MARS1: variants seen among roughly 807,000 people sequenced by gnomAD.
MARS1 encodes the protein methionine--tRNA ligase, cytoplasmic.
Under a neutral mutation model 119.5 loss-of-function variants are expected in MARS1, and 80 were observed. The ratio of observed to expected loss-of-function variants is 0.67; its 90% CI spans 0.56 to 0.81. The LOEUF is 0.81. MARS1 is among the 30% of genes least tolerant of loss of function. MARS1 has a pLI of 0.00. For missense variants in MARS1, 945 were observed against 1,116.5 expected (o/e 0.85, Z 2.19); for synonymous variants, 418 against 433.4 (o/e 0.96, Z 0.44).
In MARS1 at chr12:57,512,309, G is replaced by C; in HGVS notation, c.1709G>C (p.Gly570Ala). 1 of 1,614,110 alleles carries C rather than the reference G, an allele frequency of 6.2e-7. No individual in the cohort carries two copies. Among genetic ancestry groups the C allele is most frequent in the Non-Finnish European group, 8.5e-7 (1 of 1,180,020 alleles). ...HSLVFPCSAL[G>A]AEDNYTLVSH... ...TTAGTCTTTCCTTGCTCAGCCCTAG[G>C]AGCTGAGGATAACTATACCTTGGTC... The change falls in exon 14 of 21, where the codon GGA becomes GCA. Residue 570 changes from glycine to alanine, a missense_variant. Gly to Ala is a moderately conservative substitution (Grantham distance 60). Coordinates refer to ENST00000262027, the MANE Select transcript of MARS1 (RefSeq NM_004990.4).
intron 6 of MARS1, 69 bp from the exon 7 acceptor site, chr12:57,490,469 G>A (rs747411651): frequency 5.1e-5 from 82 of 1,609,680 alleles, no homozygotes; most frequent in Non-Finnish European, 6.5e-5. Context: ...TCAGGTAGTG[G>A]CAAGGAGAAA....
chr12:57,491,964 C>A (rs1442021976), intron 7 of MARS1, among the ~76,000 whole-genome samples: 1 of 152,152 alleles, frequency 6.6e-6, no homozygotes, highest in Non-Finnish European at 1.5e-5. Context: ...AAAACTGTCA[C>A]ACAAATGTAG....
At position 57,511,680 on chromosome 12, in the gene MARS1, C is replaced by T. The variant is rs771357667; in HGVS notation, c.1369-18C>T. 1.9e-6 allele frequency: 3 copies of T among 1,613,800 alleles called. No homozygotes were observed. In the South Asian group the frequency reaches 3.3e-5, roughly 18 times the overall value. ...TATGAGACTTTCCTAAATCAGCCCT[C>T]TTTCTCCGTTATCTCAGCTGGAGAA... On this transcript the variant is annotated intron_variant, in intron 11 of 20. Transcript: ENST00000262027.
chr12:57,515,922 C>A lies in MARS1; in HGVS notation c.2394C>A (p.Val798=). ...TLPAGHQIGT[V]SPLFQKLEND... Reference sequence around the variant, plus strand: ...ATTCTGGAACTCTTTTTTTACAGGTCAGTCCCTTGTTCCAAAAATTGGAAA... The same window carrying A: ...ATTCTGGAACTCTTTTTTTACAGGTAAGTCCCTTGTTCCAAAAATTGGAAA... Residue 798 remains valine, a splice_region_variant and synonymous_variant, in exon 19 of 21, where the codon GTC becomes GTA. Coordinates refer to ENST00000262027, the MANE Select transcript of MARS1 (RefSeq NM_004990.4). 1 of 1,612,840 alleles carries A rather than the reference C, an allele frequency of 6.2e-7. No individual in the cohort carries two copies. Among genetic ancestry groups the A allele is most frequent in the South Asian group, 1.1e-5 (1 of 90,964 alleles).
intron 5 of MARS1, 53 bp downstream of exon 5, chr12:57,490,024 G>C: frequency 1.3e-6 from 2 of 1,539,992 alleles, no homozygotes; most frequent in Non-Finnish European, 1.8e-6. Context: ...AGGGGTTACA[G>C]AATGGGCAGT....
chr12:57,514,028 G>T (rs1877649694), intron 15 of MARS1, among the ~76,000 whole-genome samples: 3 of 139,076 alleles, frequency 2.2e-5, no homozygotes, highest in African/African-American at 8.1e-5. Context: ...ATGCCACTGT[G>T]CTCCAGCCTG....
At chr12:57,490,779 T>TA in intron 7 of MARS1, 135 bp downstream of exon 7, 7 of 430,734 alleles carry the variant, frequency 1.6e-5, no homozygotes, top group Admixed American at 3.8e-5. Context: ...TTCTTACATC[T>TA]CTTTTTTTTT....
At chr12:57,493,389 T>C (rs1415690148) in intron 7 of MARS1, among the ~76,000 whole-genome samples, 2 of 20,754 alleles carry the variant, frequency 9.6e-5, no homozygotes, top group African/African-American at 2.3e-4. Context: ...ATATAATATA[T>C]TATATATAAT....
Position 57,516,585 on chromosome 12 carries a change from A to G in MARS1, c.*4A>G, listed in dbSNP as rs548689130. 1 of 1,565,882 alleles carries G rather than the reference A, an allele frequency of 6.4e-7. No homozygotes were observed. The highest frequency in any genetic ancestry group is 8.6e-7 in the Non-Finnish European group (1 of 1,163,322). ...TAAAGGCAAGAAGAAAAAGTAAAAG[A>G]CCTTGGCTCATAGAAAGTCACTTTA... On this transcript the variant is annotated 3_prime_UTR_variant, in exon 21 of 21. Transcript: ENST00000262027.
Position 57,514,157 on chromosome 12 carries a change from CT to C in MARS1, c.1968-546del, listed in dbSNP as rs568624285. ...TCAGCTTGGTCATTTTGAGTAATGA[CT>C]TTTTTTTTTTTTTTTTGAGATGGAG... is the stretch of plus-strand genomic sequence containing the variant. On this transcript the variant is annotated intron_variant, in intron 15 of 20. Coordinates refer to ENST00000262027, the MANE Select transcript of MARS1 (RefSeq NM_004990.4). 5.4e-3 allele frequency among the ~76,000 whole-genome samples: 705 copies of C among 131,196 alleles called. 1 individual carries two copies. The highest frequency in any genetic ancestry group is 7.6e-3 in the Middle Eastern group (2 of 262). The allele number at this position is 131,196 out of a possible 152,430, so 86.1% of individuals were successfully genotyped here.
intron 18 of MARS1, chr12:57,515,594 T>C (rs1877763037): frequency 1.7e-6 from 1 of 577,302 alleles, no homozygotes; most frequent in African/African-American, 1.9e-5. Context: ...GATCACCTAG[T>C]CTCCATAATG....
intron 11 of MARS1, among the ~76,000 whole-genome samples, chr12:57,510,919 C>CA (rs1158624802): frequency 6.6e-6 from 1 of 151,818 alleles, no homozygotes; most frequent in Non-Finnish European, 1.5e-5. Flanking sequence ...ACTAAAAATA[C>CA]AAAAATTAAC....
intron 10 of MARS1, 114 bp downstream of exon 10, chr12:57,500,636 GC>G: frequency 1.1e-6 from 1 of 902,366 alleles, no homozygotes; most frequent in African/African-American, 1.7e-5. Flanking sequence ...TTAACCAGTG[GC>G]CCTTTCTGCC....
chr12:57,488,409 A>G (rs1875630335), intron 1 of MARS1: 5 of 742,246 alleles, frequency 6.7e-6, no homozygotes, highest in Non-Finnish European at 8.8e-6. Flanking sequence ...CCCTTCCCTT[A>G]TCTCTCTCCT....
chr12:57,492,008 G>C (rs554295864), intron 7 of MARS1, among the ~76,000 whole-genome samples: 1 of 152,206 alleles, frequency 6.6e-6, no homozygotes, highest in South Asian at 2.1e-4. Flanking sequence ...GGCCGGGCGC[G>C]GTGGCTCATG....
intron 10 of MARS1, chr12:57,503,983 A>G (rs1205193131): frequency 5.6e-6 from 3 of 534,218 alleles, no homozygotes; most frequent in Admixed American, 6.5e-5. Flanking sequence ...TGTTCAGAGA[A>G]TGTTTTTTTT....
At chr12:57,512,510 G>GA in intron 14 of MARS1, 157 bp downstream of exon 14, 1 of 672,270 alleles carries the variant, frequency 1.5e-6, no homozygotes, top group South Asian at 1.9e-5. Context: ...AAACGAACAA[G>GA]AACCTGAAGA....
rs1565635583 is a variant in MARS1 at position 57,488,092 on chromosome 12, TGA to T, written c.5_6del (p.Arg2?). On this transcript the variant is annotated frameshift_variant and start_lost, in exon 1 of 21. Transcript: ENST00000262027. LOFTEE classifies it high-confidence loss of function. ...CATCAGCGAGGGATTCACGGCGAAA[TGA>T]GACTGTTCGTGAGTGATGGCGTCCC... is the stretch of plus-strand genomic sequence containing the variant. The T allele has an allele frequency of 6.2e-7, 1 of 1,604,698 alleles. No homozygotes were observed. Among genetic ancestry groups the T allele is most frequent in the East Asian group, 2.2e-5 (1 of 44,802 alleles).
chr12:57,491,852 C>T (rs1356663490), intron 7 of MARS1, among the ~76,000 whole-genome samples: 1 of 152,142 alleles, frequency 6.6e-6, no homozygotes, highest in Non-Finnish European at 1.5e-5. Flanking sequence ...TACTCCTTTC[C>T]AGTCCCTGCA....
Sources: allele counts gnomAD v4.1 joint callset (sites outside exome capture counted in the v4.1 genomes callset), GRCh38; gene constraint gnomAD v4.1.1; transcripts MANE v1.5; gene names NCBI Gene and HGNC (gene_info 2026-07-23, HGNC 2026-07-21).